The following AKAP9 variants were observed in gnomAD, a reference collection of about 807,000 sequenced individuals.
AKAP9 encodes A-kinase anchor protein 9.
In AKAP9, 311 loss-of-function variants were observed where a neutral mutation model predicts 488.5. That is an observed-to-expected ratio of 0.64 (90% confidence interval 0.58 to 0.70). The LOEUF (loss-of-function observed/expected upper bound fraction) is 0.70, where lower values mean the gene tolerates loss of function less well. AKAP9 is among the 30% of genes least tolerant of loss of function. AKAP9 has a pLI of 0.00. For missense variants in AKAP9, 4,215 were observed against 4,374.5 expected, an observed-to-expected ratio of 0.96 and a Z score of 1.03; for synonymous variants, 1,462 against 1,483.5, an observed-to-expected ratio of 0.99 and a Z score of 0.33.
chr7:91,966,532 A>G (rs1299792124), intron 1 of AKAP9, among the ~76,000 whole-genome samples: 4 of 152,248 alleles, frequency 2.6e-5, no homozygotes. Flanking sequence ...GCAGTTGGAT[A>G]AAATGTTTTG....
chr7:91,956,426 G>T (rs1284312974), intron 1 of AKAP9, among the ~76,000 whole-genome samples: 1 of 149,452 alleles, frequency 6.7e-6, no homozygotes, highest in African/African-American at 2.5e-5. Context: ...AAAAAGTAGA[G>T]ATGGGATTTC....
intron 22 of AKAP9, among the ~76,000 whole-genome samples, chr7:92,053,443 C>T (rs1584337330): frequency 6.6e-6 from 1 of 152,166 alleles, no homozygotes; most frequent in African/African-American, 2.4e-5. Context: ...CAATAGGCTA[C>T]TTGTTCTTAA....
At chr7:92,089,553 T>C in intron 38 of AKAP9, 24 bp downstream of exon 38, 1 of 1,610,260 alleles carries the variant, frequency 6.2e-7, no homozygotes, top group Non-Finnish European at 8.5e-7. Context: ...CAAGCTCATA[T>C]GGTTACACAA....
intron 1 of AKAP9, among the ~76,000 whole-genome samples, chr7:91,942,239 T>C (rs1562871502): frequency 6.6e-6 from 1 of 152,184 alleles, no homozygotes; most frequent in Non-Finnish European, 1.5e-5. Flanking sequence ...AGGTTAGTGA[T>C]TTATTATCAA....
At position 92,097,138 on chromosome 7, in the gene AKAP9, A is replaced by G. The variant is rs1437373369; in HGVS notation, c.10179A>G (p.Thr3393=). ...AGGTTCACAGGAAAACACTGCAGACAGAACAGGAGGCCAACACTGAGGGAC... is the reference window on the plus strand; with the variant it reads ...AGGTTCACAGGAAAACACTGCAGACGGAACAGGAGGCCAACACTGAGGGAC... ...DRQVHRKTLQ[T]EQEANTEGQK... The change falls in exon 41 of 50, where the codon ACA becomes ACG. Residue 3393 remains threonine (T), a synonymous_variant. Coordinates refer to ENST00000356239, the MANE Select transcript of AKAP9 (RefSeq NM_005751.5). The G allele has an allele frequency of 6.2e-6, 10 of 1,614,152 alleles. No individual in the cohort carries two copies. The highest frequency in any genetic ancestry group is 1.7e-5 in the Admixed American group (1 of 60,012).
In AKAP9 at chr7:91,970,987, C is replaced by T. The variant is rs566164335; in HGVS notation, c.49-2724C>T. 1.1e-4 allele frequency among the ~76,000 whole-genome samples: 17 copies of T among 152,048 alleles called. No individual in the cohort carries two copies. In the South Asian group the frequency reaches 3.3e-3, roughly 30 times the overall value. ...ATATTATGTAGTGCTGAAAAACAGGCGGTGACATGGTACCAAAAAAAAGAT... is the reference window on the plus strand; with the variant it reads ...ATATTATGTAGTGCTGAAAAACAGGTGGTGACATGGTACCAAAAAAAAGAT... On this transcript the variant is annotated intron_variant, in intron 1 of 49. Coordinates refer to ENST00000356239, the MANE Select transcript of AKAP9 (RefSeq NM_005751.5).
At position 92,022,932 on chromosome 7, in the gene AKAP9, T is replaced by G. The variant is rs1267824964; in HGVS notation, c.4071T>G (p.Thr1357=). The G allele has an allele frequency of 5.0e-6, 8 of 1,613,922 alleles. No homozygotes were observed. In the Admixed American group the frequency reaches 1.3e-4, roughly 27 times the overall value. Residue 1357 remains threonine, a synonymous_variant, in exon 14 of 50, where the codon ACT becomes ACG. Transcript: ENST00000356239. ...ISSLQQQLKE[T]EQNYEAEIHC... ...CTTTGCAGCAACAGTTGAAAGAAAC[T>G]GAACAAAACTATGAGGCAGAGATCC...
At chr7:92,011,642 G>T (rs530148885) in intron 8 of AKAP9, among the ~76,000 whole-genome samples, 1 of 152,314 alleles carries the variant, frequency 6.6e-6, no homozygotes, top group South Asian at 2.1e-4. Flanking sequence ...TTTGATGCTA[G>T]GATGGACAAT....
chr7:92,108,199 T>C (rs1818840927), intron 48 of AKAP9, among the ~76,000 whole-genome samples: 1 of 152,182 alleles, frequency 6.6e-6, no homozygotes, highest in Admixed American at 6.5e-5. Flanking sequence ...GATACTCTGA[T>C]CATTATGAAA....
chr7:91,987,903 A>G (rs1797297980), intron 3 of AKAP9, among the ~76,000 whole-genome samples: 1 of 152,092 alleles, frequency 6.6e-6, no homozygotes, highest in African/African-American at 2.4e-5. Flanking sequence ...CGGGCATAGT[A>G]GCTCACACCT....
chr7:92,083,450 C>T lies in AKAP9; in HGVS notation c.8441C>T (p.Ser2814Leu), dbSNP rs1813950515. Reference protein sequence around the residue: ...IQINLQSECSSEEVTEIISQF... With the variant: ...IQINLQSECSLEEVTEIISQF... Reference sequence around the variant, plus strand: ...ATTAATTTACAGAGTGAATGTTCCTCAGAAGAAGTTACTGAAATAATCAGT... The same window carrying T: ...ATTAATTTACAGAGTGAATGTTCCTTAGAAGAAGTTACTGAAATAATCAGT... Residue 2814 changes from serine (S) to leucine (L), a missense_variant, in exon 33 of 50, where the codon TCA (serine) becomes TTA (leucine). Transcript: ENST00000356239. 6.2e-7 allele frequency: 1 copy of T among 1,613,874 alleles called. No individual in the cohort carries two copies. Among genetic ancestry groups the T allele is most frequent in the Non-Finnish European group, 8.5e-7 (1 of 1,179,894 alleles).
rs1229025867 is a variant in AKAP9 at position 92,079,418 on chromosome 7, G to C, written c.7285G>C (p.Glu2429Gln). Reference protein sequence around the residue: ...TNFKMNQLTQELFSLKRERES... With the variant: ...TNFKMNQLTQQLFSLKRERES... ...TTTTAAAATGAATCAGCTAACACAG[G>C]AATTATTCAGCTTAAAGAGAGAACG... Residue 2429 changes from glutamate to glutamine, a missense_variant, in exon 31 of 50, where the codon GAA (glutamate) becomes CAA (glutamine). Coordinates refer to ENST00000356239, the MANE Select transcript of AKAP9 (RefSeq NM_005751.5). 1 of 1,613,882 alleles carries C rather than the reference G, an allele frequency of 6.2e-7. No homozygotes were observed. Among genetic ancestry groups the C allele is most frequent in the Non-Finnish European group, 8.5e-7 (1 of 1,179,984 alleles).
In AKAP9 at chr7:92,062,494, T is replaced by C. The variant is rs764652601; in HGVS notation, c.5977+8T>C. 36 of 1,611,112 alleles carry C rather than the reference T, an allele frequency of 2.2e-5. No individual in the cohort carries two copies. The highest frequency in any genetic ancestry group is 2.5e-5 in the Non-Finnish European group (29 of 1,177,818). On this transcript the variant is annotated splice_region_variant and intron_variant, in intron 24 of 49. Transcript: ENST00000356239. ...CAGGCCCAGTTGAACAACGTAAGTA[T>C]TTTCAGAATTTGTATGAAACAGTCC...
intron 26 of AKAP9, 76 bp from the exon 27 acceptor site, chr7:92,069,954 G>A: frequency 7.6e-7 from 1 of 1,315,834 alleles, no homozygotes; most frequent in Non-Finnish European, 1.1e-6. Flanking sequence ...TATCCAAAAT[G>A]AGGGATAACT....
At chr7:92,034,467 G>T (rs1274652852) in intron 16 of AKAP9, among the ~76,000 whole-genome samples, 2 of 135,246 alleles carry the variant, frequency 1.5e-5, no homozygotes, top group Admixed American at 7.5e-5. Context: ...GAGTTGTATT[G>T]TAGTGTATAT....
Position 92,040,739 on chromosome 7 carries a change from G to T in AKAP9, c.4758G>T (p.Gln1586His). 1 of 1,612,306 alleles carries T rather than the reference G, an allele frequency of 6.2e-7. No homozygotes were observed. Among genetic ancestry groups the T allele is most frequent in the Non-Finnish European group, 8.5e-7 (1 of 1,179,688 alleles). ...GACAACTAATGTTGAATGAAGAACA[G>T]TTGGAAGATATGAGACAGGAACTTG... is the stretch of plus-strand genomic sequence containing the variant. Reference protein sequence around the residue: ...ASRQLMLNEEQLEDMRQELVR... With the variant: ...ASRQLMLNEEHLEDMRQELVR... Residue 1586 changes from glutamine (Q) to histidine (H), a missense_variant, in exon 18 of 50, where the codon CAG becomes CAT. Gln to His is a conservative substitution (Grantham distance 24). Around this residue, in one of 5 missense-constraint regions of AKAP9, gnomAD observed 2,361 missense variants for 2,430.0 expected, o/e 0.97. Transcript: ENST00000356239.
intron 2 of AKAP9, among the ~76,000 whole-genome samples, chr7:91,974,356 G>C (rs1281394622): frequency 1.3e-5 from 2 of 152,074 alleles, no homozygotes; most frequent in African/African-American, 4.8e-5. Flanking sequence ...TGGCTATCCA[G>C]TTGTACCAAT....
intron 41 of AKAP9, 84 bp from the exon 42 acceptor site, chr7:92,097,502 A>G (rs1030048499): frequency 3.3e-6 from 5 of 1,512,898 alleles, no homozygotes; most frequent in Non-Finnish European, 4.5e-6. Flanking sequence ...TTGGATATAA[A>G]CAATAATTGT....
At chr7:92,060,918 A>C (rs530141003) in intron 22 of AKAP9, among the ~76,000 whole-genome samples, 1 of 152,314 alleles carries the variant, frequency 6.6e-6, no homozygotes, top group East Asian at 1.9e-4. Context: ...ATTCTTTGGC[A>C]AATACAATAA....
Sources: allele counts gnomAD v4.1 joint callset (sites outside exome capture counted in the v4.1 genomes callset), GRCh38; gene constraint gnomAD v4.1.1; regional missense constraint gnomAD v4.1.1; transcripts MANE v1.5; gene names NCBI Gene and HGNC (gene_info 2026-07-23, HGNC 2026-07-21).